The following FAT3 variants were observed in gnomAD, a reference collection of about 807,000 sequenced individuals.
The protein encoded by FAT3 is FAT atypical cadherin 3.
FAT3 carries 95 observed loss-of-function variants against 310.2 expected under a neutral mutation model. That is an observed-to-expected ratio of 0.31 (90% CI 0.26 to 0.36). The LOEUF is 0.36. Ranked by LOEUF, FAT3 falls within the 10% of genes least tolerant of loss-of-function variation. FAT3 has a pLI of 1.00. For missense variants in FAT3, 5,408 were observed against 5,715.6 expected, an observed-to-expected ratio of 0.95 and a Z score of 1.74; for synonymous variants, 2,314 against 2,192.9, an observed-to-expected ratio of 1.06 and a Z score of -1.54.
rs146244890 is a variant in FAT3, at chr11:92,275,523, C to A, written c.-18+50349C>A. 1.2e-3 allele frequency among the ~76,000 whole-genome samples: 176 copies of A among 152,140 alleles called. 1 individual carries two copies. The highest frequency in any genetic ancestry group is 3.9e-3 in the African/African-American group (162 of 41,528). On this transcript the variant is annotated intron_variant, in intron 1 of 27. Transcript: ENST00000525166. ...ATGACTTGATTTATGACACCCCTCCCCCAGCTTTTCTGGAATCTGTTTCCT... is the reference window on the plus strand; with the variant it reads ...ATGACTTGATTTATGACACCCCTCCACCAGCTTTTCTGGAATCTGTTTCCT...
chr11:92,857,351 G>A lies in FAT3; in HGVS notation c.11500+3G>A. 6.2e-7 allele frequency: 1 copy of A among 1,613,952 alleles called. No homozygotes were observed. Among genetic ancestry groups the A allele is most frequent in the Non-Finnish European group, 8.5e-7 (1 of 1,179,880 alleles). On this transcript the variant is annotated splice_donor_region_variant and intron_variant, in intron 20 of 27. Transcript: ENST00000525166. The stretch of plus-strand genomic sequence containing the variant: ...AGGGAAGCTCGGAGAGTGCTCAGGT[G>A]CAGAGTGGAGTGGAATGATGCAGAT...
intron 3 of FAT3, among the ~76,000 whole-genome samples, chr11:92,653,417 T>C (rs1473380458): frequency 6.6e-6 from 1 of 152,110 alleles, no homozygotes; most frequent in Non-Finnish European, 1.5e-5. Flanking sequence ...TTTCAGAATA[T>C]TGCTCGAAGC....
intron 17 of FAT3, among the ~76,000 whole-genome samples, chr11:92,838,665 G>C (rs1256126530): frequency 6.6e-6 from 1 of 152,166 alleles, no homozygotes; most frequent in African/African-American, 2.4e-5. Context: ...TTTGGCCTCA[G>C]AATCACCCCA....
intron 13 of FAT3, among the ~76,000 whole-genome samples, chr11:92,810,592 A>G (rs1947641881): frequency 6.6e-6 from 1 of 152,196 alleles, no homozygotes; most frequent in African/African-American, 2.4e-5. Context: ...TGGATTTTTT[A>G]AACTGCCATT....
intron 11 of FAT3, among the ~76,000 whole-genome samples, chr11:92,805,738 G>A (rs1027648026): frequency 1.3e-5 from 2 of 152,178 alleles, no homozygotes; most frequent in Non-Finnish European, 2.9e-5. Flanking sequence ...TAGTGGCAAT[G>A]TTGGTGCTGA....
chr11:92,286,771 G>A (rs763420248), intron 1 of FAT3, among the ~76,000 whole-genome samples: 7 of 152,094 alleles, frequency 4.6e-5, no homozygotes, highest in Non-Finnish European at 7.4e-5. Context: ...GCATCTGTTA[G>A]AGAAAAGCGA....
In FAT3 at chr11:92,844,691, T is replaced by C. The variant is rs1948643483; in HGVS notation, c.11324T>C (p.Val3775Ala). 1 of 1,580,298 alleles carries C rather than the reference T, an allele frequency of 6.3e-7. No homozygotes were observed. The highest frequency in any genetic ancestry group is 1.8e-5 in the Admixed American group (1 of 56,436). ...TACAGCACGGCTCGCATCAGCTTTGTGTGTCCGCGTTTCTACAGGAACGTG... is the reference window on the plus strand; with the variant it reads ...TACAGCACGGCTCGCATCAGCTTTGCGTGTCCGCGTTTCTACAGGAACGTG... Reference protein sequence around the residue: ...MTYSTARISFVCPRFYRNVRC... With the variant: ...MTYSTARISFACPRFYRNVRC... The change falls in exon 19 of 28, where the codon GTG becomes GCG. Residue 3775 changes from valine (V) to alanine (A), a missense_variant. Physicochemically the swap from Val to Ala is moderately conservative, Grantham distance 64 (BLOSUM62 0). Coordinates refer to ENST00000525166, the MANE Select transcript of FAT3 (RefSeq NM_001367949.2).
At chr11:92,692,232 A>G (rs1943817097) in intron 3 of FAT3, among the ~76,000 whole-genome samples, 1 of 152,220 alleles carries the variant, frequency 6.6e-6, no homozygotes, top group Non-Finnish European at 1.5e-5. Flanking sequence ...ACACCCATGC[A>G]TTGGAACCAT....
In FAT3 at chr11:92,840,647, C is replaced by T. The variant is rs747242938; in HGVS notation, c.10454C>T (p.Ser3485Phe). 6.2e-7 allele frequency: 1 copy of T among 1,613,126 alleles called. No individual in the cohort carries two copies. The highest frequency in any genetic ancestry group is 8.5e-7 in the Non-Finnish European group (1 of 1,179,180). The stretch of plus-strand genomic sequence containing the variant: ...CACAATGGGCCTCCCTTTTCATTCT[C>T]TATTTTGTCGGGAAATGAAGAGGAG... The part of the protein sequence containing the change: ...SFHNGPPFSF[S>F]ILSGNEEEEF... Residue 3485 changes from serine (S) to phenylalanine (F), a missense_variant, in exon 18 of 28, where the codon TCT (serine) becomes TTT (phenylalanine). Around this residue, in one of 5 missense-constraint regions of FAT3, gnomAD observed 4,588 missense variants for 4,809.8 expected, o/e 0.95. Coordinates refer to ENST00000525166, the MANE Select transcript of FAT3 (RefSeq NM_001367949.2).
At chr11:92,391,786 G>C (rs1297867350) in intron 2 of FAT3, among the ~76,000 whole-genome samples, 1 of 152,054 alleles carries the variant, frequency 6.6e-6, no homozygotes, top group Non-Finnish European at 1.5e-5. Flanking sequence ...ATCTAAATTA[G>C]CATGACAGTG....
At chr11:92,779,721 G>A (rs1946690705) in intron 7 of FAT3, among the ~76,000 whole-genome samples, 1 of 152,160 alleles carries the variant, frequency 6.6e-6, no homozygotes, top group Admixed American at 6.5e-5. Flanking sequence ...GGACTTCGCA[G>A]ATGTGATTAG....
At chr11:92,576,968 T>G (rs1467137847) in intron 3 of FAT3, among the ~76,000 whole-genome samples, 3 of 152,154 alleles carry the variant, frequency 2.0e-5, no homozygotes, top group Non-Finnish European at 2.9e-5. Context: ...ACACAGTTTA[T>G]TTTTCTGTAT....
intron 5 of FAT3, among the ~76,000 whole-genome samples, chr11:92,762,428 A>G (rs1468620857): frequency 6.6e-6 from 1 of 152,116 alleles, no homozygotes; most frequent in Non-Finnish European, 1.5e-5. Context: ...GTTTCACCAC[A>G]TACTCAACCA....
chr11:92,519,205 T>G (rs1277837894), intron 2 of FAT3, among the ~76,000 whole-genome samples: 1 of 152,118 alleles, frequency 6.6e-6, no homozygotes, highest in African/African-American at 2.4e-5. Flanking sequence ...TCAAACAGAT[T>G]AATGGGACAG....
chr11:92,248,644 G>A (rs1865021136), intron 1 of FAT3, among the ~76,000 whole-genome samples: 1 of 151,994 alleles, frequency 6.6e-6, no homozygotes, highest in African/African-American at 2.4e-5. Flanking sequence ...TGTTTATATT[G>A]TCATTGTAGA....
chr11:92,272,989 T>C (rs1946168381), intron 1 of FAT3, among the ~76,000 whole-genome samples: 1 of 152,096 alleles, frequency 6.6e-6, no homozygotes, highest in Non-Finnish European at 1.5e-5. Context: ...CTATGTTTTT[T>C]CATAAACAGA....
At chr11:92,501,903 A>C (rs1328063567) in intron 2 of FAT3, among the ~76,000 whole-genome samples, 1 of 151,872 alleles carries the variant, frequency 6.6e-6, no homozygotes, top group Non-Finnish European at 1.5e-5. Context: ...GATGTACTAA[A>C]AGGAGAGGAT....
chr11:92,886,218 T>G (rs1949793147), intron 24 of FAT3, among the ~76,000 whole-genome samples: 1 of 152,104 alleles, frequency 6.6e-6, no homozygotes, highest in Non-Finnish European at 1.5e-5. Flanking sequence ...CAAGGCAGAG[T>G]TAGCTGGTGA....
chr11:92,523,242 G>A (rs950887973), intron 2 of FAT3, among the ~76,000 whole-genome samples: 2 of 151,968 alleles, frequency 1.3e-5, no homozygotes, highest in Non-Finnish European at 2.9e-5. Flanking sequence ...TGACAGATTG[G>A]CATTTCTCTT....
Sources: allele counts gnomAD v4.1 joint callset (sites outside exome capture counted in the v4.1 genomes callset), GRCh38; gene constraint gnomAD v4.1.1; regional missense constraint gnomAD v4.1.1; transcripts MANE v1.5; gene names NCBI Gene and HGNC (gene_info 2026-07-23, HGNC 2026-07-21).